Variants in PCDHA9 observed in about 807,000 individuals in gnomAD.
PCDHA9 encodes the protein protocadherin alpha-9.
PCDHA9 carries 62 observed loss-of-function variants against 62.0 expected under a neutral mutation model. The ratio of observed to expected loss-of-function variants is 1.00; its 90% CI spans 0.81 to 1.23. The LOEUF (loss-of-function observed/expected upper bound fraction) is 1.23. PCDHA9 is among the 50% of genes most tolerant of loss of function. The probability of loss-of-function intolerance (pLI) is 0.00; values close to 1 mark genes in which losing one functional copy is unlikely to be tolerated. For missense variants in PCDHA9, 1,205 were observed against 1,249.8 expected (o/e 0.96, Z 0.54); for synonymous variants, 557 against 567.6 (o/e 0.98, Z 0.27).
intron 1 of PCDHA9, among the ~76,000 whole-genome samples, chr5:140,897,219 C>T (rs1169975962): frequency 1.1e-4 from 17 of 152,004 alleles, no homozygotes; most frequent in Admixed American, 1.1e-3. Flanking sequence ...TTTTAGGGTA[C>T]ATGTGCACAA....
At chr5:140,993,472 A>T (rs1164535164) in intron 3 of PCDHA9, among the ~76,000 whole-genome samples, 1 of 134,248 alleles carries the variant, frequency 7.4e-6, no homozygotes, top group Non-Finnish European at 1.5e-5. Flanking sequence ...TCACACACAC[A>T]CACACACACA....
At chr5:140,882,864 C>G in intron 1 of PCDHA9, 2 of 1,614,200 alleles carry the variant, frequency 1.2e-6, no homozygotes, top group Non-Finnish European at 8.5e-7. Context: ...CTGAGGAAAA[C>G]ACTGGACAGA....
chr5:140,934,331 A>C (rs1313968911), intron 1 of PCDHA9, among the ~76,000 whole-genome samples: 1 of 152,116 alleles, frequency 6.6e-6, no homozygotes, highest in East Asian at 1.9e-4. Flanking sequence ...CATGAATGTA[A>C]TAACCACCAG....
intron 1 of PCDHA9, chr5:140,862,777 C>A: frequency 1.7e-6 from 1 of 577,324 alleles, no homozygotes. Context: ...CGCGTTGCAG[C>A]CACTGGACTA....
At chr5:140,866,433 C>CTGAA (rs1217236180) in intron 1 of PCDHA9, 1 of 151,814 alleles carries the variant, frequency 6.6e-6, no homozygotes, top group Non-Finnish European at 1.5e-5. Context: ...GTCTTTCAGT[C>CTGAA]TTCTTCAGTC....
chr5:140,928,973 T>G (rs782178426), intron 1 of PCDHA9: 3 of 1,613,958 alleles, frequency 1.9e-6, no homozygotes, highest in Non-Finnish European at 2.5e-6. Flanking sequence ...ATTTCCTTTT[T>G]ATTTCTGGGG....
At chr5:140,903,675 A>G (rs1554191078) in intron 1 of PCDHA9, among the ~76,000 whole-genome samples, 2 of 152,244 alleles carry the variant, frequency 1.3e-5, no homozygotes, top group Non-Finnish European at 2.9e-5. Flanking sequence ...GATATAAAAG[A>G]TGTTTGGTAA....
chr5:140,856,130 G>A lies in PCDHA9; in HGVS notation c.2394+5241G>A. The stretch of plus-strand genomic sequence containing the variant: ...CCTCGCAGCCTGGGAGGTGGGGAGC[G>A]GCCAGCTCCACTACTCAGTCTACGA... On this transcript the variant is annotated intron_variant, in intron 1 of 3. Transcript: ENST00000532602. 7 of 1,598,068 alleles carry A rather than the reference G, an allele frequency of 4.4e-6. 1 individual carries two copies. The highest frequency in any genetic ancestry group is 6.0e-6 in the Non-Finnish European group (7 of 1,167,790).
chr5:140,877,949 A>G (rs1554170233), intron 1 of PCDHA9: 1 of 1,348,792 alleles, frequency 7.4e-7, no homozygotes, highest in East Asian at 2.6e-5. Flanking sequence ...AAACTATCGA[A>G]TGTCTCATCT....
At position 140,967,456 on chromosome 5, in the gene PCDHA9, G is replaced by A. The variant is rs781877104; in HGVS notation, c.2395-11493G>A. On this transcript the variant is annotated intron_variant, in intron 1 of 3. Transcript: ENST00000532602. The stretch of plus-strand genomic sequence containing the variant: ...TGCACCACCTGGTTCTCACAGCCGT[G>A]GATGGGGGCATCCCAGCCCGCTCGG... 4.3e-6 allele frequency: 7 copies of A among 1,613,480 alleles called. No homozygotes were observed. The South Asian group carries it at 6.6e-5, about 15-fold the overall frequency.
At chr5:140,966,502 G>C in intron 1 of PCDHA9, 1 of 433,894 alleles carries the variant, frequency 2.3e-6, no homozygotes, top group Non-Finnish European at 4.0e-6. Flanking sequence ...GAGCTGTAGC[G>C]GCAGCAGCAG....
chr5:140,902,211 T>C (rs1256912603), intron 1 of PCDHA9, among the ~76,000 whole-genome samples: 4 of 150,332 alleles, frequency 2.7e-5, no homozygotes, highest in African/African-American at 9.8e-5. Context: ...TTCTTTTTTT[T>C]TTTTTTTTTT....
intron 1 of PCDHA9, chr5:140,851,337 C>T (rs2042031356): frequency 2.0e-6 from 2 of 978,912 alleles, no homozygotes; most frequent in African/African-American, 1.7e-5. Flanking sequence ...TAGTTCTCTA[C>T]ATTTCTCTGG....
chr5:140,940,549 A>G (rs1554213474), intron 1 of PCDHA9, among the ~76,000 whole-genome samples: 1 of 152,110 alleles, frequency 6.6e-6, no homozygotes, highest in Non-Finnish European at 1.5e-5. Context: ...CCTGGGCTCA[A>G]GTGATTCTCC....
intron 1 of PCDHA9, among the ~76,000 whole-genome samples, chr5:140,914,821 A>G (rs1046692794): frequency 6.6e-6 from 1 of 152,212 alleles, no homozygotes; most frequent in Non-Finnish European, 1.5e-5. Flanking sequence ...AACAGACTGC[A>G]TAAACAAAAA....
chr5:140,946,782 C>T (rs1225488337), intron 1 of PCDHA9, among the ~76,000 whole-genome samples: 1 of 151,104 alleles, frequency 6.6e-6, no homozygotes, highest in African/African-American at 2.4e-5. Flanking sequence ...TGTAAAAAAG[C>T]TGATCTTATA....
At chr5:140,926,961 G>A in intron 1 of PCDHA9, 1 of 1,604,688 alleles carries the variant, frequency 6.2e-7, no homozygotes, top group Non-Finnish European at 8.5e-7. Context: ...GACAGCTCGA[G>A]TACTCAGTGC....
Position 141,011,938 on chromosome 5 carries a change from T to TA in PCDHA9, c.*2008dup, listed in dbSNP as rs1489019865. 2.6e-5 allele frequency: 4 copies of TA among 153,644 alleles called. No individual in the cohort carries two copies. The highest frequency in any genetic ancestry group is 6.5e-5 in the Admixed American group (1 of 15,278). The allele number at this position is 153,644 out of a possible 1,614,324, so 9.5% of individuals were successfully genotyped here. A position where few individuals can be genotyped will look rare whatever the true frequency, so the allele number is the denominator to read the frequency against. ...ATAAAAGAGGTAGGAGTCTGTTATT[T>TA]AAAAAAAGCATTAAATTTAAAAAAA... On this transcript the variant is annotated 3_prime_UTR_variant, in exon 4 of 4. Transcript: ENST00000532602.
chr5:140,968,150 A>C, intron 1 of PCDHA9: 1 of 1,614,180 alleles, frequency 6.2e-7, no homozygotes. Context: ...GATCTCTGAC[A>C]TCAATGACAA....
Sources: allele counts gnomAD v4.1 joint callset (sites outside exome capture counted in the v4.1 genomes callset), GRCh38; gene constraint gnomAD v4.1.1; transcripts MANE v1.5; gene names NCBI Gene and HGNC (gene_info 2026-07-23, HGNC 2026-07-21).